RASA1: variants seen among roughly 807,000 people sequenced by gnomAD.
RASA1 encodes the protein ras GTPase-activating protein 1.
RASA1 carries 25 observed loss-of-function variants against 132.2 expected under a neutral mutation model. That is an observed-to-expected ratio of 0.19 (90% CI 0.14 to 0.26). The LOEUF (loss-of-function observed/expected upper bound fraction) is 0.26, where lower values mean the gene tolerates loss of function less well. Ranked by LOEUF, RASA1 falls within the 10% of genes least tolerant of loss-of-function variation. The pLI is 1.00. For synonymous variants in RASA1, 477 were observed against 449.9 expected, an observed-to-expected ratio of 1.06 and a Z score of -0.76; for missense variants, 964 against 1,299.2, an observed-to-expected ratio of 0.74 and a Z score of 3.97.
In RASA1 at chr5:87,341,082, G is replaced by A. The variant is rs370659834; in HGVS notation, c.1018-208G>A. ...GTTGGGCTGTTGTTTAAGAAAAGTC[G>A]ATAAGAGGGCCTGAGTTAGGGTAAT... is the stretch of plus-strand genomic sequence containing the variant. On this transcript the variant is annotated intron_variant, in intron 5 of 24. Transcript: ENST00000274376. Among the ~76,000 whole-genome samples the A allele has an allele frequency of 5.9e-5, 9 of 151,930 alleles. No individual in the cohort carries two copies. The East Asian group carries it at 1.2e-3, about 20-fold the overall frequency.
At chr5:87,389,868 T>C (rs1052202522) in intron 24 of RASA1, among the ~76,000 whole-genome samples, 1 of 152,194 alleles carries the variant, frequency 6.6e-6, no homozygotes, top group African/African-American at 2.4e-5. Context: ...GTCTTTTCTC[T>C]GTCACATACA....
chr5:87,379,657 A>G (rs1580393442), intron 18 of RASA1, 78 bp from the exon 19 acceptor site: 15 of 1,559,044 alleles, frequency 9.6e-6, no homozygotes, highest in South Asian at 1.2e-5. Flanking sequence ...CTCGAAAACT[A>G]TAACTACTTG....
chr5:87,320,211 C>G (rs1042172974), intron 1 of RASA1, among the ~76,000 whole-genome samples: 1 of 152,192 alleles, frequency 6.6e-6, no homozygotes, highest in Admixed American at 6.5e-5. Flanking sequence ...GAGCAAGTCT[C>G]TAGGAAGTCT....
intron 21 of RASA1, among the ~76,000 whole-genome samples, 190 bp from the exon 22 acceptor site, chr5:87,385,111 T>G (rs10942503): frequency 1.3e-5 from 2 of 152,104 alleles, no homozygotes; most frequent in African/African-American, 2.4e-5. Context: ...TCTCTTTTAA[T>G]TCAAGTTCTT....
chr5:87,272,544 T>G (rs1753892016), intron 1 of RASA1, among the ~76,000 whole-genome samples: 1 of 152,074 alleles, frequency 6.6e-6, no homozygotes. Context: ...TGATTGTTTT[T>G]TTTTTTTTAA....
chr5:87,380,448 T>A (rs1180630196), intron 19 of RASA1, 61 bp from the exon 20 acceptor site: 1 of 1,422,566 alleles, frequency 7.0e-7, no homozygotes, highest in Non-Finnish European at 9.9e-7. Flanking sequence ...AGCTTTTGGC[T>A]GCTAGGAGAT....
At chr5:87,387,776 C>G (rs1417538910) in intron 23 of RASA1, among the ~76,000 whole-genome samples, 1 of 152,118 alleles carries the variant, frequency 6.6e-6, no homozygotes, top group Non-Finnish European at 1.5e-5. Flanking sequence ...TATGGCATAG[C>G]TCCATATTTA....
chr5:87,277,645 C>T (rs977581250), intron 1 of RASA1, among the ~76,000 whole-genome samples: 1 of 152,038 alleles, frequency 6.6e-6, no homozygotes, highest in Non-Finnish European at 1.5e-5. Context: ...TCTGGTATTT[C>T]GTCATAGCAG....
At chr5:87,284,025 A>G (rs967523206) in intron 1 of RASA1, among the ~76,000 whole-genome samples, 2 of 152,162 alleles carry the variant, frequency 1.3e-5, no homozygotes, top group Non-Finnish European at 1.5e-5. Context: ...ATACCTCCTT[A>G]AGGTTGAAGG....
intron 11 of RASA1, among the ~76,000 whole-genome samples, chr5:87,368,463 C>A (rs942027114): frequency 6.6e-6 from 1 of 152,132 alleles, no homozygotes; most frequent in African/African-American, 2.4e-5. Flanking sequence ...AATCCTGATG[C>A]CTGTAGTGTC....
At position 87,374,230 on chromosome 5, in the gene RASA1, A is replaced by G. The variant is rs1286099484; in HGVS notation, c.1844A>G (p.Tyr615Cys). The G allele has an allele frequency of 1.3e-6, 2 of 1,596,358 alleles. No homozygotes were observed. Among genetic ancestry groups the G allele is most frequent in the African/African-American group, 2.7e-5 (2 of 74,310 alleles). The change falls in exon 14 of 25, where the codon TAT becomes TGT. Residue 615 changes from tyrosine to cysteine, a missense_variant. Coordinates refer to ENST00000274376, the MANE Select transcript of RASA1 (RefSeq NM_002890.3). ...CCAGTAAAACATTTTACTAATCCAT[A>G]TTGTAACATCTACCTGAATAGTGTC... ...KLPVKHFTNP[Y>C]CNIYLNSVQV...
intron 1 of RASA1, among the ~76,000 whole-genome samples, chr5:87,298,763 C>T (rs1755229842): frequency 1.3e-5 from 2 of 152,024 alleles, no homozygotes; most frequent in Admixed American, 1.3e-4. Flanking sequence ...TGTATTTAAT[C>T]AAAACCTAGA....
intron 1 of RASA1, among the ~76,000 whole-genome samples, chr5:87,298,988 C>T (rs1438902508): frequency 6.6e-6 from 1 of 152,134 alleles, no homozygotes; most frequent in Non-Finnish European, 1.5e-5. Context: ...TCTTGGAAAT[C>T]CAGAATGTAC....
At chr5:87,382,852 CAGG>C (rs1445007030) in intron 20 of RASA1, among the ~76,000 whole-genome samples, 4 of 151,628 alleles carry the variant, frequency 2.6e-5, no homozygotes, top group Non-Finnish European at 4.4e-5. Context: ...TAGACCAAGA[CAGG>C]AGGATTGCTT....
At chr5:87,331,977 G>A (rs2112367865) in intron 2 of RASA1, among the ~76,000 whole-genome samples, 1 of 151,990 alleles carries the variant, frequency 6.6e-6, no homozygotes, top group African/African-American at 2.4e-5. Context: ...TACCCATATT[G>A]TATTGTTTCA....
At chr5:87,366,509 A>G (rs1760528832) in intron 11 of RASA1, 1 of 203,062 alleles carries the variant, frequency 4.9e-6, no homozygotes, top group Non-Finnish European at 1.1e-5. Context: ...AGTAACAAGA[A>G]AGGAGTTTCT....
intron 1 of RASA1, among the ~76,000 whole-genome samples, chr5:87,313,887 G>C (rs1449299823): frequency 6.6e-6 from 1 of 152,174 alleles, no homozygotes; most frequent in Non-Finnish European, 1.5e-5. Flanking sequence ...GCATGTTTGG[G>C]CCGGGCGTGG....
intron 1 of RASA1, among the ~76,000 whole-genome samples, chr5:87,328,322 A>ATT (rs11391785): frequency 4.0e-5 from 6 of 151,632 alleles, no homozygotes; most frequent in Admixed American, 6.6e-5. Flanking sequence ...TTCCAGTTGA[A>ATT]TTTTTTTTTA....
intron 1 of RASA1, among the ~76,000 whole-genome samples, chr5:87,320,623 C>T (rs1756721434): frequency 6.6e-6 from 1 of 152,144 alleles, no homozygotes; most frequent in African/African-American, 2.4e-5. Flanking sequence ...ACGAGAACAG[C>T]AAGGGGAAAT....
Sources: allele counts gnomAD v4.1 joint callset (sites outside exome capture counted in the v4.1 genomes callset), GRCh38; gene constraint gnomAD v4.1.1; transcripts MANE v1.5; gene names NCBI Gene and HGNC (gene_info 2026-07-23, HGNC 2026-07-21).